PRKN: variants seen among roughly 807,000 people sequenced by gnomAD.
PRKN encodes the protein E3 ubiquitin-protein ligase parkin.
PRKN carries 56 observed loss-of-function variants against 59.5 expected under a neutral mutation model. The ratio of observed to expected loss-of-function variants is 0.94; its 90% CI spans 0.76 to 1.18. The LOEUF is 1.18. Ranked by LOEUF, PRKN falls within the 50% of genes most tolerant of loss-of-function variation. The probability of loss-of-function intolerance (pLI) is 0.00; values close to 1 mark genes in which losing one functional copy is unlikely to be tolerated. For missense variants in PRKN, 657 were observed against 596.4 expected (o/e 1.10, Z -1.06); for synonymous variants, 250 against 222.1 (o/e 1.13, Z -1.12).
At position 161,790,717 on chromosome 6, in the gene PRKN, G is replaced by A. The variant is rs140822816; in HGVS notation, c.735-4809C>T. ...CTAGGACTTCCCAGTCTCCGGAACC[G>A]TGAGAAATAAATTCCTGTTGTTTAT... On this transcript the variant is annotated intron_variant, in intron 6 of 11. Transcript: ENST00000366898. 4.5e-3 allele frequency among the ~76,000 whole-genome samples: 685 copies of A among 152,216 alleles called. 5 individuals carry two copies. Among genetic ancestry groups the A allele is most frequent in the African/African-American group, 0.015 (625 of 41,520 alleles).
chr6:162,277,947 C>G (rs1299390957), intron 2 of PRKN, among the ~76,000 whole-genome samples: 2 of 152,196 alleles, frequency 1.3e-5, no homozygotes, highest in Non-Finnish European at 2.9e-5. Flanking sequence ...AAACTAAAAT[C>G]ATGTCCACAC....
chr6:161,496,303 C>G (rs1777744805), intron 9 of PRKN, among the ~76,000 whole-genome samples: 1 of 152,188 alleles, frequency 6.6e-6, no homozygotes, highest in South Asian at 2.1e-4. Context: ...CACCCAGTAC[C>G]TTGGAATGAG....
At chr6:161,515,896 C>G (rs1242770963) in intron 9 of PRKN, among the ~76,000 whole-genome samples, 1 of 152,094 alleles carries the variant, frequency 6.6e-6, no homozygotes, top group Non-Finnish European at 1.5e-5. Context: ...CACACATGCA[C>G]TGAAAAAAAT....
In PRKN at chr6:161,679,818, G is replaced by A. The variant is rs143318766; in HGVS notation, c.871+105954C>T. On this transcript the variant is annotated intron_variant, in intron 7 of 11. Coordinates refer to ENST00000366898, the MANE Select transcript of PRKN (RefSeq NM_004562.3). ...CACCCAGGCTGGAGTGCAGTGGCAC[G>A]ATCTCAGCTCACTGCAAGCTCCGCC... 6.4e-3 allele frequency among the ~76,000 whole-genome samples: 799 copies of A among 125,500 alleles called. 7 individuals are homozygous for A. The highest frequency in any genetic ancestry group is 0.023 in the African/African-American group (767 of 33,474). The allele number at this position is 125,500 out of a possible 152,430, so 82.3% of individuals were successfully genotyped here. A position where few individuals can be genotyped will look rare whatever the true frequency, so the allele number is the denominator to read the frequency against.
intron 6 of PRKN, among the ~76,000 whole-genome samples, chr6:161,830,076 A>G (rs926169509): frequency 6.6e-6 from 1 of 151,908 alleles, no homozygotes; most frequent in African/African-American, 2.4e-5. Context: ...TACAGGTTAC[A>G]CCTTACTGTC....
intron 7 of PRKN, among the ~76,000 whole-genome samples, chr6:161,656,879 GA>G (rs1400062580): frequency 6.6e-6 from 1 of 152,130 alleles, no homozygotes. Context: ...ATATTCTAAG[GA>G]AATCATATAA....
chr6:162,529,913 C>G (rs1017611534), intron 1 of PRKN, among the ~76,000 whole-genome samples: 1 of 151,994 alleles, frequency 6.6e-6, no homozygotes, highest in South Asian at 2.1e-4. Context: ...GCAGATCACC[C>G]GAGGTCGGGA....
intron 1 of PRKN, among the ~76,000 whole-genome samples, chr6:162,633,695 C>T (rs1777603265): frequency 6.6e-6 from 1 of 151,928 alleles, no homozygotes; most frequent in Non-Finnish European, 1.5e-5. Flanking sequence ...AGAACAGTCT[C>T]TTTCCGTGGG....
At chr6:161,543,526 A>G (rs1181122769) in intron 9 of PRKN, among the ~76,000 whole-genome samples, 1 of 152,220 alleles carries the variant, frequency 6.6e-6, no homozygotes, top group East Asian at 1.9e-4. Context: ...GCGACACAGC[A>G]TGGTGTTTGT....
At chr6:161,727,657 C>A (rs892618925) in intron 7 of PRKN, among the ~76,000 whole-genome samples, 5 of 152,142 alleles carry the variant, frequency 3.3e-5, no homozygotes, top group African/African-American at 1.2e-4. Flanking sequence ...CAGTCTAAGT[C>A]CCCCTTTAAG....
intron 6 of PRKN, among the ~76,000 whole-genome samples, chr6:161,886,131 T>C (rs903476040): frequency 2.6e-5 from 4 of 152,184 alleles, no homozygotes; most frequent in African/African-American, 9.6e-5. Flanking sequence ...ACAGCTATGC[T>C]CTAATTCATG....
At chr6:161,735,096 T>C (rs977211388) in intron 7 of PRKN, among the ~76,000 whole-genome samples, 1 of 151,540 alleles carries the variant, frequency 6.6e-6, no homozygotes, top group Non-Finnish European at 1.5e-5. Flanking sequence ...CAGCCTCTGT[T>C]CCCCTTGTAG....
At chr6:161,812,341 A>G (rs1583196210) in intron 6 of PRKN, among the ~76,000 whole-genome samples, 1 of 152,278 alleles carries the variant, frequency 6.6e-6, no homozygotes, top group East Asian at 1.9e-4. Flanking sequence ...GAGGCTGCAG[A>G]TTACGGCACT....
chr6:161,666,429 C>T (rs1273880570), intron 7 of PRKN, among the ~76,000 whole-genome samples: 1 of 152,176 alleles, frequency 6.6e-6, no homozygotes, highest in Non-Finnish European at 1.5e-5. Flanking sequence ...CATCTGCAAC[C>T]ACTCCACTCA....
chr6:162,315,835 C>G (rs1782732882), intron 2 of PRKN, among the ~76,000 whole-genome samples: 2 of 152,166 alleles, frequency 1.3e-5, no homozygotes, highest in Non-Finnish European at 2.9e-5. Context: ...TAGTCCAAAT[C>G]TATTTACTTA....
intron 3 of PRKN, among the ~76,000 whole-genome samples, chr6:162,210,737 G>C (rs1294115610): frequency 6.6e-6 from 1 of 151,990 alleles, no homozygotes; most frequent in Non-Finnish European, 1.5e-5. Context: ...AGAGATACAG[G>C]GGTGGACTGC....
chr6:161,864,924 G>A (rs1794053827), intron 6 of PRKN, among the ~76,000 whole-genome samples: 2 of 152,124 alleles, frequency 1.3e-5, no homozygotes, highest in African/African-American at 4.8e-5. Context: ...AAAGTGCTGG[G>A]ATTACAGGCG....
In PRKN at chr6:161,377,020, G is replaced by A. The variant is rs1471930080; in HGVS notation, c.1167+9774C>T. 2.0e-5 allele frequency among the ~76,000 whole-genome samples: 3 copies of A among 152,250 alleles called. No individual in the cohort carries two copies. The highest frequency in any genetic ancestry group is 4.4e-5 in the Non-Finnish European group (3 of 68,040). On this transcript the variant is annotated intron_variant, in intron 10 of 11. Transcript: ENST00000366898. This position sits in a 1 kb window ranked among gnomAD's most constrained non-coding sequence, Gnocchi z 4.2. ...TGAGTGGGGCCCCGAGGAGCAAAGG[G>A]CAGGGTCAGGCGGCATGCAAGCGCC... is the stretch of plus-strand genomic sequence containing the variant.
At chr6:161,898,588 A>C (rs972059303) in intron 6 of PRKN, among the ~76,000 whole-genome samples, 2 of 152,178 alleles carry the variant, frequency 1.3e-5, no homozygotes, top group Admixed American at 1.3e-4. Context: ...TGATTACTAA[A>C]TGGATGTTTT....
Sources: gnomAD v4.1 joint callset for allele counts (sites outside exome capture counted in the v4.1 genomes callset) on GRCh38, gnomAD v4.1.1 for gene constraint, Gnocchi (gnomAD v3.1) non-coding constraint, MANE v1.5 for transcripts, NCBI Gene and HGNC (gene_info 2026-07-23, HGNC 2026-07-21) for gene names.